Variants in OSGIN1 observed in about 807,000 individuals in gnomAD.
The protein encoded by OSGIN1 is oxidative stress-induced growth inhibitor 1.
OSGIN1 carries 19 observed loss-of-function variants against 20.1 expected under a neutral mutation model. The ratio of observed to expected loss-of-function variants is 0.95; its 90% confidence interval spans 0.66 to 1.39. The LOEUF is 1.39. Ranked by LOEUF, OSGIN1 falls within the 40% of genes most tolerant of loss-of-function variation. The pLI is 0.00. For missense variants in OSGIN1, 820 were observed against 653.0 expected (o/e 1.26, Z -2.79); for synonymous variants, 368 against 297.8 (o/e 1.24, Z -2.43).
rs2084276935 is a variant in OSGIN1, at chr16:83,966,054, G to T, written c.*47G>T. On this transcript the variant is annotated 3_prime_UTR_variant, in exon 6 of 6. Coordinates refer to ENST00000393306, the MANE Select transcript of OSGIN1 (RefSeq NM_182981.3). The stretch of plus-strand genomic sequence containing the variant: ...TCCCAGGCCCTGAGAGGACAGAGAT[G>T]ACCACATCCCTGCTGGATGCAGGAC... 2 of 1,382,388 alleles carry T rather than the reference G, an allele frequency of 1.4e-6. No homozygotes were observed. Among genetic ancestry groups the T allele is most frequent in the South Asian group, 1.4e-5 (1 of 69,312 alleles). The allele number at this position is 1,382,388 out of a possible 1,614,324, so 85.6% of individuals were successfully genotyped here.
intron 3 of OSGIN1, among the ~76,000 whole-genome samples, chr16:83,959,734 T>A (rs1308199801): frequency 6.6e-6 from 1 of 152,140 alleles, no homozygotes; most frequent in Non-Finnish European, 1.5e-5. Context: ...CCAGGGATGC[T>A]GGCAAACATC....
chr16:83,958,413 G>A (rs1287631570), intron 2 of OSGIN1, among the ~76,000 whole-genome samples: 1 of 152,220 alleles, frequency 6.6e-6, no homozygotes, highest in Non-Finnish European at 1.5e-5. Flanking sequence ...GTGCCCACAT[G>A]AGAGGACACA....
chr16:83,963,412 T>C (rs1269552552), intron 5 of OSGIN1, among the ~76,000 whole-genome samples: 3 of 149,786 alleles, frequency 2.0e-5, no homozygotes, highest in Non-Finnish European at 4.4e-5. Context: ...ATGCTTATTA[T>C]GTGCCAGGCC....
chr16:83,958,493 G>A (rs987268579), intron 2 of OSGIN1, among the ~76,000 whole-genome samples: 9 of 152,156 alleles, frequency 5.9e-5, no homozygotes, highest in African/African-American at 2.2e-4. Context: ...GTATGCAGGC[G>A]TCCGATTAAG....
Position 83,965,852 on chromosome 16 carries a change from A to C in OSGIN1, c.1279A>C (p.Ile427Leu), listed in dbSNP as rs2084274351. The C allele has an allele frequency of 2.5e-6, 4 of 1,612,804 alleles. No homozygotes were observed. Among genetic ancestry groups the C allele is most frequent in the Non-Finnish European group, 2.5e-6 (3 of 1,179,996 alleles). Reference sequence around the variant, plus strand: ...GCCGCTGAGCGCCAAGAGGAACCCCATTGACGTGGACCCCTTCACCTACCA... The same window carrying C: ...GCCGCTGAGCGCCAAGAGGAACCCCCTTGACGTGGACCCCTTCACCTACCA... ...DQPLSAKRNP[I>L]DVDPFTYQST... is the part of the protein sequence containing the mutation. The change falls in exon 6 of 6, where the codon ATT becomes CTT. Residue 427 changes from isoleucine (I) to leucine (L), a missense_variant. Transcript: ENST00000393306.
rs932020794 is a variant in OSGIN1 at position 83,965,793 on chromosome 16, G to A, written c.1220G>A (p.Gly407Glu). The part of the protein sequence containing the change: ...GSHPDLSFLP[G>E]AGADFAVDPD... ...CACCCCGACCTCTCCTTCCTGCCTG[G>A]GGCAGGGGCTGACTTTGCAGTGGAT... Residue 407 changes from glycine to glutamate, a missense_variant, in exon 6 of 6, where the codon GGG becomes GAG. Gly to Glu is a moderately conservative substitution (Grantham distance 98). Transcript: ENST00000393306. 6 of 1,612,980 alleles carry A rather than the reference G, an allele frequency of 3.7e-6. No individual in the cohort carries two copies. In the African/African-American group the frequency reaches 8.0e-5, roughly 22 times the overall value.
intron 2 of OSGIN1, 105 bp from the exon 3 acceptor site, chr16:83,959,155 T>G: frequency 1.3e-6 from 1 of 764,568 alleles, no homozygotes. Context: ...TTTTTATGAA[T>G]GAAGGATAAA....
At chr16:83,963,105 C>T (rs187437692) in intron 5 of OSGIN1, among the ~76,000 whole-genome samples, 521 of 152,308 alleles carry the variant, frequency 3.4e-3, no homozygotes, top group Non-Finnish European at 5.6e-3. Flanking sequence ...GGCCTGTGTC[C>T]CCAACGGCAG....
At chr16:83,955,254 AGG>A (rs1908871255) in intron 1 of OSGIN1, among the ~76,000 whole-genome samples, 1 of 152,194 alleles carries the variant, frequency 6.6e-6, no homozygotes, top group Non-Finnish European at 1.5e-5. Context: ...CTGTTCTCCA[AGG>A]CCTCTGGGTA....
chr16:83,953,481 C>T, intron 1 of OSGIN1, 111 bp downstream of exon 1: 1 of 1,005,358 alleles, frequency 9.9e-7, no homozygotes, highest in Admixed American at 2.7e-5. Context: ...AGGCGGGGGT[C>T]CCGGGTGGTC....
rs758044767 is a variant in OSGIN1, at chr16:83,965,137, G to A, written c.564G>A (p.Leu188=). The A allele has an allele frequency of 2.5e-6, 4 of 1,613,488 alleles. No individual in the cohort carries two copies. Residue 188 remains leucine (L), a synonymous_variant, in exon 6 of 6, where the codon CTG becomes CTA. Transcript: ENST00000393306. The part of the protein sequence containing the change: ...YYRDYVVKKG[L]GHNFVSGAVV... ...GGGACTACGTGGTCAAGAAGGGTCT[G>A]GGGCATAACTTTGTGTCCGGTGCTG...
At chr16:83,954,722 G>C in intron 1 of OSGIN1, 1 of 980,818 alleles carries the variant, frequency 1.0e-6, no homozygotes, top group Non-Finnish European at 1.2e-6. Context: ...AGTCCCAGGA[G>C]GGAGCCCTGG....
At chr16:83,962,534 C>G (rs142524171) in intron 5 of OSGIN1, among the ~76,000 whole-genome samples, 280 of 152,340 alleles carry the variant, frequency 1.8e-3, no homozygotes, top group African/African-American at 6.5e-3. Flanking sequence ...AGCCACCACG[C>G]CAGGCTAATT....
At chr16:83,954,556 A>G (rs72791573) in intron 1 of OSGIN1, 15,140 of 152,860 alleles carry the variant, frequency 0.099, 1,060 homozygotes, top group Middle Eastern at 0.23. Context: ...AGTTGGCAGC[A>G]TATTTGTCCG....
intron 1 of OSGIN1, among the ~76,000 whole-genome samples, chr16:83,957,302 C>T (rs1422271348): frequency 3.3e-5 from 5 of 152,110 alleles, no homozygotes; most frequent in Admixed American, 3.3e-4. Context: ...GCAGGAATGG[C>T]CTCTCGGGAA....
In OSGIN1 at chr16:83,965,692, C is replaced by A; in HGVS notation, c.1119C>A (p.Cys373Ter). ...AGCTGCTGTGCTTCAAGGAAGACTG[C>A]CAGGCCGTGTTCCAGGACCTCGAGG... ...RHQLLCFKED[C>*]QAVFQDLEGV... is the part of the protein sequence containing the mutation. Residue 373 changes from cysteine to a stop codon, truncating the protein, a stop_gained, in exon 6 of 6, where the codon TGC (cysteine) becomes TGA (stop). Coordinates refer to ENST00000393306, the MANE Select transcript of OSGIN1 (RefSeq NM_182981.3). LOFTEE classifies it low-confidence loss of function (END_TRUNC). 2 of 1,613,658 alleles carry A rather than the reference C, an allele frequency of 1.2e-6. No homozygotes were observed. Among genetic ancestry groups the A allele is most frequent in the Non-Finnish European group, 1.7e-6 (2 of 1,180,022 alleles).
Position 83,965,635 on chromosome 16 carries a change from C to G in OSGIN1, c.1062C>G (p.Pro354=), listed in dbSNP as rs762047929. 1.2e-6 allele frequency: 2 copies of G among 1,613,334 alleles called. No individual in the cohort carries two copies. Among genetic ancestry groups the G allele is most frequent in the Non-Finnish European group, 1.7e-6 (2 of 1,180,006 alleles). Residue 354 remains proline, a synonymous_variant, in exon 6 of 6, where the codon CCC becomes CCG. Coordinates refer to ENST00000393306, the MANE Select transcript of OSGIN1 (RefSeq NM_182981.3). The part of the protein sequence containing the change: ...MREQSILSPS[P]YEGYRSLPRH... ...AGCAGTCCATCCTGTCGCCCAGCCC[C>G]TATGAGGGTTACCGCAGCCTCCCCA...
intron 5 of OSGIN1, 63 bp from the exon 6 acceptor site, chr16:83,964,999 T>TGCCC: frequency 3.1e-5 from 20 of 645,888 alleles, no homozygotes; most frequent in African/African-American, 5.5e-5. Flanking sequence ...ACATCTCCCG[T>TGCCC]CCCACCCAGC....
At chr16:83,960,504 C>G in intron 3 of OSGIN1, 65 bp from the exon 4 acceptor site, 1 of 1,366,298 alleles carries the variant, frequency 7.3e-7, no homozygotes, top group Non-Finnish European at 1.0e-6. Context: ...CCTGCCCAGC[C>G]TCAGGCTCTG....
Sources: allele counts gnomAD v4.1 joint callset (sites outside exome capture counted in the v4.1 genomes callset), GRCh38; gene constraint gnomAD v4.1.1; transcripts MANE v1.5; gene names NCBI Gene and HGNC (gene_info 2026-07-23, HGNC 2026-07-21).